SLC35F1: variants seen among roughly 807,000 people sequenced by gnomAD.
SLC35F1 encodes the protein chromosome 6 open reading frame 169.
A neutral mutation model predicts 48.7 loss-of-function variants in SLC35F1; 14 were observed. The ratio of observed to expected loss-of-function variants is 0.29; its 90% confidence interval spans 0.19 to 0.45. The LOEUF is 0.45. Among genes scored for constraint, SLC35F1 ranks in the 20% least tolerant of loss-of-function variants. The pLI is 1.00. For synonymous variants in SLC35F1, 190 were observed against 202.2 expected, an observed-to-expected ratio of 0.94 and a Z score of 0.51; for missense variants, 404 against 500.0, an observed-to-expected ratio of 0.81 and a Z score of 1.83.
chr6:118,257,160 G>GTCTC (rs60219062), intron 3 of SLC35F1, among the ~76,000 whole-genome samples: 5 of 148,510 alleles, frequency 3.4e-5, no homozygotes, highest in African/African-American at 1.2e-4. Context: ...GGAAAAAACT[G>GTCTC]TCTCTCTCTC....
chr6:118,253,631 C>T, intron 3 of SLC35F1, among the ~76,000 whole-genome samples: 1 of 151,462 alleles, frequency 6.6e-6, no homozygotes, highest in South Asian at 2.1e-4. Context: ...GATGCATCCA[C>T]AAAAAGACAG....
chr6:118,164,438 C>A (rs573772715), intron 2 of SLC35F1, among the ~76,000 whole-genome samples: 120 of 152,218 alleles, frequency 7.9e-4, no homozygotes, highest in African/African-American at 2.7e-3. Context: ...CAATTAGGAT[C>A]TGGGCTTTTC....
intron 2 of SLC35F1, among the ~76,000 whole-genome samples, chr6:118,232,605 A>G (rs1341640287): frequency 6.6e-6 from 1 of 150,812 alleles, no homozygotes; most frequent in African/African-American, 2.4e-5. Context: ...AACCTAGCCC[A>G]GTCTAGGGTA....
At chr6:118,157,316 CA>C (rs1774159668) in intron 2 of SLC35F1, among the ~76,000 whole-genome samples, 1 of 152,034 alleles carries the variant, frequency 6.6e-6, no homozygotes, top group South Asian at 2.1e-4. Context: ...CTTTGAATTT[CA>C]AAACCCTGAA....
intron 1 of SLC35F1, among the ~76,000 whole-genome samples, chr6:117,949,021 T>G (rs1776328581): frequency 6.6e-6 from 1 of 152,146 alleles, no homozygotes; most frequent in Admixed American, 6.5e-5. Flanking sequence ...GAAGGCCATT[T>G]TATGCCCCAA....
intron 1 of SLC35F1, among the ~76,000 whole-genome samples, chr6:118,108,150 T>A (rs1773350646): frequency 6.6e-6 from 1 of 151,530 alleles, no homozygotes; most frequent in African/African-American, 2.4e-5. Flanking sequence ...AATATTTGAT[T>A]CACACACACA....
intron 2 of SLC35F1, among the ~76,000 whole-genome samples, chr6:118,162,221 T>C (rs1317971742): frequency 2.0e-5 from 3 of 152,290 alleles, no homozygotes; most frequent in Non-Finnish European, 2.9e-5. Flanking sequence ...ATAGTATGGG[T>C]TAATCTCAAA....
chr6:118,043,481 GTAC>G (rs2114903841), intron 1 of SLC35F1, among the ~76,000 whole-genome samples: 1 of 152,048 alleles, frequency 6.6e-6, no homozygotes, highest in Admixed American at 6.6e-5. Flanking sequence ...CATGTAAATG[GTAC>G]CTTTTCAAGG....
chr6:118,065,229 G>A (rs1236297134), intron 1 of SLC35F1, among the ~76,000 whole-genome samples: 2 of 152,096 alleles, frequency 1.3e-5, no homozygotes, highest in Non-Finnish European at 2.9e-5. Context: ...TTTTAATGCA[G>A]GATAATAAGC....
In SLC35F1 at chr6:117,987,485, C is replaced by A. The variant is rs1035811388; in HGVS notation, c.173+79586C>A. ...TTTCTTATCCTCTTTCTTCTTCCCT[C>A]CTCTCCTCATCTCTTTTCCCTCTTC... On this transcript the variant is annotated intron_variant, in intron 1 of 7. Coordinates refer to ENST00000360388, the MANE Select transcript of SLC35F1 (RefSeq NM_001029858.4). 2.6e-5 allele frequency among the ~76,000 whole-genome samples: 4 copies of A among 151,904 alleles called. No homozygotes were observed. In the East Asian group the frequency reaches 7.7e-4, roughly 29 times the overall value.
intron 2 of SLC35F1, among the ~76,000 whole-genome samples, chr6:118,168,915 C>A (rs1337171366): frequency 6.6e-6 from 1 of 152,176 alleles, no homozygotes; most frequent in Non-Finnish European, 1.5e-5. Context: ...TAGTATCTGA[C>A]AGAGAACAAA....
intron 1 of SLC35F1, among the ~76,000 whole-genome samples, chr6:118,100,489 A>G (rs545256474): frequency 6.6e-6 from 1 of 152,252 alleles, no homozygotes; most frequent in East Asian, 1.9e-4. Flanking sequence ...CACTCACAGA[A>G]CTCAGGAAAG....
intron 1 of SLC35F1, among the ~76,000 whole-genome samples, chr6:117,929,219 G>A (rs905440752): frequency 6.6e-6 from 1 of 151,996 alleles, no homozygotes; most frequent in Non-Finnish European, 1.5e-5. Flanking sequence ...TTGTCGAGGA[G>A]ATGGATTTGA....
chr6:118,154,285 T>C (rs1289127356), intron 1 of SLC35F1, among the ~76,000 whole-genome samples, 160 bp from the exon 2 acceptor site: 2 of 152,226 alleles, frequency 1.3e-5, no homozygotes, highest in African/African-American at 4.8e-5. Flanking sequence ...TCAGTAATCA[T>C]TGCACCTTCC....
At chr6:118,059,104 T>G (rs139779924) in intron 1 of SLC35F1, among the ~76,000 whole-genome samples, 81 of 152,320 alleles carry the variant, frequency 5.3e-4, no homozygotes, top group East Asian at 4.8e-3. Flanking sequence ...TTCCACACAT[T>G]TGAGTTACTT....
intron 1 of SLC35F1, among the ~76,000 whole-genome samples, chr6:117,923,628 C>T (rs62432054): frequency 1.3e-5 from 1 of 74,804 alleles, no homozygotes; most frequent in East Asian, 3.8e-4. Flanking sequence ...TGTATATATA[C>T]ATATATGTAC....
At chr6:118,288,493 G>C (rs1334267765) in intron 7 of SLC35F1, among the ~76,000 whole-genome samples, 1 of 152,172 alleles carries the variant, frequency 6.6e-6, no homozygotes, top group Non-Finnish European at 1.5e-5. Flanking sequence ...ATCAGCAGTT[G>C]GTTGAAAGAG....
At chr6:117,970,052 G>T (rs569943597) in intron 1 of SLC35F1, among the ~76,000 whole-genome samples, 68 of 152,264 alleles carry the variant, frequency 4.5e-4, no homozygotes, top group Non-Finnish European at 6.9e-4. Flanking sequence ...CTGTTTTTAG[G>T]AAGTTCGTAC....
intron 1 of SLC35F1, among the ~76,000 whole-genome samples, chr6:118,007,505 T>A (rs1429176313): frequency 6.6e-6 from 1 of 152,176 alleles, no homozygotes; most frequent in East Asian, 1.9e-4. Flanking sequence ...ATGTGATGGC[T>A]CATGTTCCAA....
Sources: gnomAD v4.1 joint callset for allele counts (sites outside exome capture counted in the v4.1 genomes callset) on GRCh38, gnomAD v4.1.1 for gene constraint, MANE v1.5 for transcripts, NCBI Gene and HGNC (gene_info 2026-07-23, HGNC 2026-07-21) for gene names.